The following ADAT1 variants were observed in gnomAD, a reference collection of about 807,000 sequenced individuals.
The protein encoded by ADAT1 is adenosine deaminase tRNA specific 1.
In ADAT1, 58 loss-of-function variants were observed where a neutral mutation model predicts 58.6. That is an observed-to-expected ratio of 0.99 (90% confidence interval 0.80 to 1.23). The LOEUF (loss-of-function observed/expected upper bound fraction) is 1.23. Ranked by LOEUF, ADAT1 falls within the 50% of genes most tolerant of loss-of-function variation. The pLI, the probability that ADAT1 is intolerant of heterozygous loss-of-function variation, is 0.00. For missense variants in ADAT1, 741 were observed against 608.6 expected, an observed-to-expected ratio of 1.22 and a Z score of -2.29; for synonymous variants, 254 against 220.8, an observed-to-expected ratio of 1.15 and a Z score of -1.33.
chr16:75,600,433 A>T, intron 9 of ADAT1, 85 bp from the exon 10 acceptor site: 1 of 1,568,560 alleles, frequency 6.4e-7, no homozygotes, highest in Non-Finnish European at 8.6e-7. Context: ...AAGCAACTGG[A>T]CAGACTTGTA....
rs144935382 is a variant in ADAT1, at chr16:75,597,146, A to G, written c.*3070T>C. 54 of 205,278 alleles carry G rather than the reference A, an allele frequency of 2.6e-4. No homozygotes were observed. The highest frequency in any genetic ancestry group is 4.8e-4 in the Non-Finnish European group (47 of 97,916). The allele number at this position is 205,278 out of a possible 1,614,324, so 12.7% of individuals were successfully genotyped here. A position where few individuals can be genotyped will look rare whatever the true frequency, so the allele number is the denominator to read the frequency against. ...CCCCAAAACTTCATGTCTACCTGAA[A>G]CCTCAGAATGTGACTTTAGTTGGAA... is the stretch of plus-strand genomic sequence containing the variant. On this transcript the variant is annotated 3_prime_UTR_variant, in exon 10 of 10. Transcript: ENST00000564657.
chr16:75,603,280 C>T (rs117282271), intron 8 of ADAT1, 109 bp from the exon 9 acceptor site: 15 of 908,636 alleles, frequency 1.7e-5, no homozygotes, highest in Admixed American at 4.3e-5. Flanking sequence ...GGTGCCAGAG[C>T]CCCTCATTTT....
rs185885900 is a variant in ADAT1 at position 75,605,575 on chromosome 16, C to G, written c.1290-2404G>C. ...GCAGATTTTTGACTGCAAGGTGGGT[C>G]GGCACCACTAACACCCACATTGTTG... On this transcript the variant is annotated intron_variant, in intron 8 of 9. Transcript: ENST00000564657. 2.0e-5 allele frequency among the ~76,000 whole-genome samples: 3 copies of G among 152,046 alleles called. No individual in the cohort carries two copies. In the South Asian group the frequency reaches 6.2e-4, roughly 32 times the overall value.
Position 75,617,263 on chromosome 16 carries a change from GA to G in ADAT1, c.302del (p.Leu101ProfsTer10), listed in dbSNP as rs778977013. 1.2e-6 allele frequency: 2 copies of G among 1,613,510 alleles called. No homozygotes were observed. The highest frequency in any genetic ancestry group is 1.7e-6 in the Non-Finnish European group (2 of 1,179,446). ...GGGTGGCTGCCAACTGGAGTTGGTGGAGAAGGTACCTAAGGGTTGCAAGATG... is the reference window on the plus strand; with the variant it reads ...GGGTGGCTGCCAACTGGAGTTGGTGGGAAGGTACCTAAGGGTTGCAAGATG... ...IARRSFQRYL[L>X]HQLQLAATLK... On this transcript the variant is annotated frameshift_variant, in exon 5 of 10. Transcript: ENST00000564657. LOFTEE classifies it high-confidence loss of function.
chr16:75,606,632 C>A (rs1255657775), intron 8 of ADAT1, among the ~76,000 whole-genome samples: 1 of 152,118 alleles, frequency 6.6e-6, no homozygotes, highest in Non-Finnish European at 1.5e-5. Context: ...ATCCTTGAGC[C>A]CCCGTCAAGT....
At chr16:75,612,951 T>C in intron 5 of ADAT1, 90 bp from the exon 6 acceptor site, 2 of 1,480,202 alleles carry the variant, frequency 1.4e-6, no homozygotes, top group East Asian at 2.3e-5. Context: ...TCATCAGAAA[T>C]GCAAACTCTT....
At chr16:75,612,118 A>G in intron 6 of ADAT1, 125 bp downstream of exon 6, 1 of 1,146,050 alleles carries the variant, frequency 8.7e-7, no homozygotes, top group Admixed American at 2.7e-5. Context: ...TTATTTCCTT[A>G]AGACAAATTC....
intron 5 of ADAT1, 65 bp downstream of exon 5, chr16:75,617,077 A>G: frequency 6.5e-7 from 1 of 1,535,556 alleles, no homozygotes; most frequent in South Asian, 1.2e-5. Flanking sequence ...AAACCTACCT[A>G]TGGATAACAC....
chr16:75,608,879 C>T lies in ADAT1; in HGVS notation c.1153G>A (p.Ala385Thr), dbSNP rs1451531549. 1 of 1,614,158 alleles carries T rather than the reference C, an allele frequency of 6.2e-7. No individual in the cohort carries two copies. The highest frequency in any genetic ancestry group is 1.7e-5 in the Admixed American group (1 of 60,002). ...QSRSAVQAKR[A>T]DSPGRLVPCG... ...GGAACAAGTCGACCTGGGCTATCAG[C>T]CCTTTTTGCCTGCACCGCACTGCGG... The change falls in exon 7 of 10, where the codon GCT becomes ACT. Residue 385 changes from alanine to threonine, a missense_variant. Coordinates refer to ENST00000564657, the MANE Select transcript of ADAT1 (RefSeq NM_001324445.2).
At chr16:75,615,181 C>T (rs142847432) in intron 5 of ADAT1, among the ~76,000 whole-genome samples, 4 of 136,184 alleles carry the variant, frequency 2.9e-5, no homozygotes, top group African/African-American at 5.4e-5. Flanking sequence ...GAGCCGAGAT[C>T]GAGAAAAAAA....
At chr16:75,608,369 T>C in intron 7 of ADAT1, 46 bp from the exon 8 acceptor site, 1 of 1,466,896 alleles carries the variant, frequency 6.8e-7, no homozygotes, top group Non-Finnish European at 9.5e-7. Context: ...CAATTTCTTG[T>C]GAAAGTCAGA....
intron 5 of ADAT1, among the ~76,000 whole-genome samples, chr16:75,616,767 G>A (rs900788211): frequency 6.6e-6 from 1 of 152,212 alleles, no homozygotes; most frequent in African/African-American, 2.4e-5. Flanking sequence ...ACAAATAGTA[G>A]AAAGTATTTG....
chr16:75,620,249 T>C lies in ADAT1; in HGVS notation c.238+17A>G, dbSNP rs766509782. On this transcript the variant is annotated intron_variant, in intron 3 of 9. Coordinates refer to ENST00000564657, the MANE Select transcript of ADAT1 (RefSeq NM_001324445.2). Reference sequence around the variant, plus strand: ...GTTTCAAGCTAAATCTTTGTTTAGATTCCCACCCGTGCTTACCGTTCTTCC... The same window carrying C: ...GTTTCAAGCTAAATCTTTGTTTAGACTCCCACCCGTGCTTACCGTTCTTCC... 1.2e-6 allele frequency: 2 copies of C among 1,613,508 alleles called. No homozygotes were observed. The highest frequency in any genetic ancestry group is 2.7e-5 in the African/African-American group (2 of 75,036).
In ADAT1 at chr16:75,608,341, T is replaced by G; in HGVS notation, c.1190-18A>C. 4 of 1,604,446 alleles carry G rather than the reference T, an allele frequency of 2.5e-6. No homozygotes were observed. Among genetic ancestry groups the G allele is most frequent in the Non-Finnish European group, 3.4e-6 (4 of 1,171,480 alleles). ...GCTGATGGCTATGAAAAGATAAGAT[T>G]CTAGGGTTAAAACTGCTCAATTTCT... On this transcript the variant is annotated intron_variant, in intron 7 of 9. Transcript: ENST00000564657.
In ADAT1 at chr16:75,612,052, C is replaced by T. The variant is rs950264393; in HGVS notation, c.1043+191G>A. 2.1e-4 allele frequency among the ~76,000 whole-genome samples: 32 copies of T among 151,974 alleles called. 1 individual carries two copies. The highest frequency in any genetic ancestry group is 6.5e-4 in the African/African-American group (27 of 41,384). On this transcript the variant is annotated intron_variant, in intron 6 of 9. Transcript: ENST00000564657. ...CAGCCTGGGTGACAGAGCAAGACTC[C>T]GTCTCTAAAAAACAAAAAAAAATTA...
At chr16:75,603,055 A>C in intron 9 of ADAT1, 30 bp downstream of exon 9, 1 of 1,596,932 alleles carries the variant, frequency 6.3e-7, no homozygotes, top group African/African-American at 1.3e-5. Flanking sequence ...GTCTACCTAA[A>C]TATGAGAAAA....
intron 7 of ADAT1, 22 bp downstream of exon 7, chr16:75,608,821 A>C (rs769088110): frequency 1.2e-5 from 19 of 1,605,734 alleles, no homozygotes; most frequent in Middle Eastern, 1.9e-4. Flanking sequence ...ACTCCAGGGC[A>C]GGTCTAACCT....
At position 75,612,329 on chromosome 16, in the gene ADAT1, C is replaced by G. The variant is rs374448543; in HGVS notation, c.957G>C (p.Leu319Phe). ...CTGACAGGTAGATGGGCTCTTCCAG[C>G]AAGTGCATCAACAGTGCCCCTTGGC... is the stretch of plus-strand genomic sequence containing the variant. Reference protein sequence around the residue: ...LGCQGALLMHLLEEPIYLSAV... With the variant: ...LGCQGALLMHFLEEPIYLSAV... Residue 319 changes from leucine (L) to phenylalanine (F), a missense_variant, in exon 6 of 10, where the codon TTG (leucine) becomes TTC (phenylalanine). Physicochemically the swap from Leu to Phe is conservative, Grantham distance 22. Transcript: ENST00000564657. 1 of 1,614,200 alleles carries G rather than the reference C, an allele frequency of 6.2e-7. No homozygotes were observed. The highest frequency in any genetic ancestry group is 8.5e-7 in the Non-Finnish European group (1 of 1,180,044).
chr16:75,606,357 C>G (rs1319994869), intron 8 of ADAT1, among the ~76,000 whole-genome samples: 2 of 152,132 alleles, frequency 1.3e-5, no homozygotes, highest in Non-Finnish European at 2.9e-5. Context: ...CCTTAGCAAT[C>G]CCCTCCCATA....
Sources: allele counts gnomAD v4.1 joint callset (sites outside exome capture counted in the v4.1 genomes callset), GRCh38; gene constraint gnomAD v4.1.1; transcripts MANE v1.5; gene names NCBI Gene and HGNC (gene_info 2026-07-23, HGNC 2026-07-21).